The following CMC2 variants were observed in gnomAD, a reference collection of about 807,000 sequenced individuals.
CMC2 encodes the protein C-X9-C motif containing 2, also known as COX assembly mitochondrial protein 2 homolog.
In CMC2, 5 loss-of-function variants were observed where a neutral mutation model predicts 7.5. The ratio of observed to expected loss-of-function variants is 0.66; its 90% CI spans 0.35 to 1.40. The LOEUF (loss-of-function observed/expected upper bound fraction) is 1.40, where lower values mean the gene tolerates loss of function less well. Ranked by LOEUF, CMC2 falls within the 40% of genes most tolerant of loss-of-function variation. The probability of loss-of-function intolerance (pLI) is 0.04; values close to 1 mark genes in which losing one functional copy is unlikely to be tolerated. For missense variants in CMC2, 115 were observed against 92.3 expected, an observed-to-expected ratio of 1.25 and a Z score of -1.01; for synonymous variants, 37 against 31.4, an observed-to-expected ratio of 1.18 and a Z score of -0.60.
chr16:81,006,568 TC>T, intron 1 of CMC2, 165 bp downstream of exon 1: 2 of 361,970 alleles, frequency 5.5e-6, no homozygotes, highest in Non-Finnish European at 7.7e-6. Flanking sequence ...GCTCGCAGCC[TC>T]CCCAGCGCAG....
intron 1 of CMC2, among the ~76,000 whole-genome samples, chr16:81,000,662 A>T (rs1207284564): frequency 6.6e-6 from 1 of 152,244 alleles, no homozygotes; most frequent in Non-Finnish European, 1.5e-5. Context: ...ACCTCACATC[A>T]GTGAGAATGG....
In CMC2 at chr16:80,970,723, C is replaced by T. The variant is rs556251365; in HGVS notation, c.*5370G>A. 9 of 152,244 alleles carry T rather than the reference C, an allele frequency of 5.9e-5. No homozygotes were observed. The highest frequency in any genetic ancestry group is 4.1e-4 in the South Asian group (2 of 4,828). The allele number at this position is 152,244 out of a possible 1,614,324, so 9.4% of individuals were successfully genotyped here. A position where few individuals can be genotyped will look rare whatever the true frequency, so the allele number is the denominator to read the frequency against. ...GAATTATTAAGAAAGTTTGGCAAGC[C>T]TTCTGAATGTAAGATAAATATACAG... On this transcript the variant is annotated 3_prime_UTR_variant, in exon 4 of 4. Transcript: ENST00000219400.
At chr16:80,995,334 A>G (rs1968323828) in intron 2 of CMC2, among the ~76,000 whole-genome samples, 2 of 152,164 alleles carry the variant, frequency 1.3e-5, no homozygotes, top group Admixed American at 6.5e-5. Flanking sequence ...ATGACCCTCA[A>G]AAACATATCA....
At chr16:80,980,838 G>C (rs570487647) in intron 3 of CMC2, 7 of 700,166 alleles carry the variant, frequency 1.0e-5, no homozygotes, top group Non-Finnish European at 1.0e-5. Flanking sequence ...CGTGAGTTAC[G>C]ATCACCCTAC....
In CMC2 at chr16:80,967,035, T is replaced by C. The variant is rs150531908; in HGVS notation, c.*9058A>G. The C allele has an allele frequency of 1.2e-4, 19 of 152,356 alleles. No individual in the cohort carries two copies. Among genetic ancestry groups the C allele is most frequent in the Non-Finnish European group, 2.5e-4 (17 of 68,032 alleles). 9.4% of individuals were successfully genotyped at this position (152,356 alleles called of 1,614,324 possible). Reference sequence around the variant, plus strand: ...TTGGGCTACTTCAACACTTTATTTATTCTTTATTCACTAAAAATTCATTCA... The same window carrying C: ...TTGGGCTACTTCAACACTTTATTTACTCTTTATTCACTAAAAATTCATTCA... On this transcript the variant is annotated 3_prime_UTR_variant, in exon 4 of 4. Coordinates refer to ENST00000219400, the MANE Select transcript of CMC2 (RefSeq NM_020188.5).
At chr16:80,989,776 G>C (rs563977246) in intron 2 of CMC2, among the ~76,000 whole-genome samples, 34 of 152,190 alleles carry the variant, frequency 2.2e-4, no homozygotes, top group African/African-American at 7.2e-4. Context: ...AACATCACAG[G>C]ATACATCCTA....
At chr16:80,978,238 C>A (rs919516868) in intron 3 of CMC2, 1 of 1,046,440 alleles carries the variant, frequency 9.6e-7, no homozygotes, top group Admixed American at 5.2e-5. Flanking sequence ...GCTTTCATAT[C>A]TACCTTTAAT....
rs539537288 is a variant in CMC2 at position 80,991,396 on chromosome 16, A to G, written c.81+5918T>C. 3.9e-5 allele frequency among the ~76,000 whole-genome samples: 6 copies of G among 152,316 alleles called. No individual in the cohort carries two copies. The East Asian group carries it at 1.2e-3, about 29-fold the overall frequency. On this transcript the variant is annotated intron_variant, in intron 2 of 3. Coordinates refer to ENST00000219400, the MANE Select transcript of CMC2 (RefSeq NM_020188.5). ...ACATCTGTAATACCAGCACTTTGGTAGGCTAAGGCAGACAGATTGCTTGAG... is the reference window on the plus strand; with the variant it reads ...ACATCTGTAATACCAGCACTTTGGTGGGCTAAGGCAGACAGATTGCTTGAG...
chr16:80,974,300 G>C lies in CMC2; in HGVS notation c.*1793C>G, dbSNP rs983996983. 1 of 152,040 alleles carries C rather than the reference G, an allele frequency of 6.6e-6. No homozygotes were observed. Among genetic ancestry groups the C allele is most frequent in the Non-Finnish European group, 1.5e-5 (1 of 68,004 alleles). The allele number at this position is 152,040 out of a possible 1,614,324, so 9.4% of individuals were successfully genotyped here. On this transcript the variant is annotated 3_prime_UTR_variant, in exon 4 of 4. Transcript: ENST00000219400. ...GCACAAAAACCTAATTGCTCTCCTTGGGCGTTATCTTCCTTCCCCTCCAAT... is the reference window on the plus strand; with the variant it reads ...GCACAAAAACCTAATTGCTCTCCTTCGGCGTTATCTTCCTTCCCCTCCAAT...
Position 81,006,852 on chromosome 16 carries a change from G to T in CMC2, c.-154C>A. On this transcript the variant is annotated 5_prime_UTR_variant, in exon 1 of 4. Transcript: ENST00000219400. Reference sequence around the variant, plus strand: ...CGCTTGCCAGACGCCGAAACCCAGTGACGCCCTCCACCGCTCCACCGTGCT... The same window carrying T: ...CGCTTGCCAGACGCCGAAACCCAGTTACGCCCTCCACCGCTCCACCGTGCT... The T allele has an allele frequency of 2.0e-6, 2 of 985,822 alleles. No individual in the cohort carries two copies. The highest frequency in any genetic ancestry group is 2.4e-6 in the Non-Finnish European group (2 of 830,258). The allele number at this position is 985,822 out of a possible 1,614,324, so 61.1% of individuals were successfully genotyped here.
intron 1 of CMC2, among the ~76,000 whole-genome samples, chr16:81,005,808 CAT>C (rs886338931): frequency 6.6e-6 from 1 of 152,212 alleles, no homozygotes; most frequent in African/African-American, 2.4e-5. Flanking sequence ...CTGCCAGAAT[CAT>C]GTGAATTTCA....
intron 2 of CMC2, among the ~76,000 whole-genome samples, chr16:80,986,532 T>A (rs1426008277): frequency 6.6e-6 from 1 of 152,030 alleles, no homozygotes; most frequent in Non-Finnish European, 1.5e-5. Context: ...AAAATTGATT[T>A]AAACAAAAAA....
At chr16:80,988,038 G>A (rs1967675593) in intron 2 of CMC2, among the ~76,000 whole-genome samples, 1 of 151,808 alleles carries the variant, frequency 6.6e-6, no homozygotes, top group African/African-American at 2.4e-5. Flanking sequence ...AATTGAATTA[G>A]CCAGGCATGA....
intron 2 of CMC2, among the ~76,000 whole-genome samples, chr16:80,984,677 A>T (rs1967386269): frequency 6.6e-6 from 1 of 152,216 alleles, no homozygotes; most frequent in South Asian, 2.1e-4. Flanking sequence ...AAACATGACA[A>T]TGCATTTTCA....
At chr16:81,004,506 A>C (rs1969098910) in intron 1 of CMC2, among the ~76,000 whole-genome samples, 1 of 152,082 alleles carries the variant, frequency 6.6e-6, no homozygotes, top group South Asian at 2.1e-4. Context: ...CAAAAAGGTA[A>C]ACTTGTCACG....
At chr16:81,005,651 C>A (rs1969245987) in intron 1 of CMC2, among the ~76,000 whole-genome samples, 1 of 152,068 alleles carries the variant, frequency 6.6e-6, no homozygotes, top group Non-Finnish European at 1.5e-5. Flanking sequence ...AGACCCCATG[C>A]CAGGCTGCTT....
chr16:80,967,621 G>C lies in CMC2; in HGVS notation c.*8472C>G, dbSNP rs771005927. The C allele has an allele frequency of 1.3e-5, 2 of 152,320 alleles. No individual in the cohort carries two copies. Among genetic ancestry groups the C allele is most frequent in the Admixed American group, 6.5e-5 (1 of 15,284 alleles). 9.4% of individuals were successfully genotyped at this position (152,320 alleles called of 1,614,324 possible). ...CCCAAAGTGCTGGGTTTACAGGCGT[G>C]AGCCACCTCGCCCAGCCTTCCTCGT... On this transcript the variant is annotated 3_prime_UTR_variant, in exon 4 of 4. Coordinates refer to ENST00000219400, the MANE Select transcript of CMC2 (RefSeq NM_020188.5).
chr16:80,974,406 A>T lies in CMC2; in HGVS notation c.*1687T>A, dbSNP rs1396304878. The T allele has an allele frequency of 6.6e-6, 1 of 152,194 alleles. No homozygotes were observed. Among genetic ancestry groups the T allele is most frequent in the African/African-American group, 2.4e-5 (1 of 41,452 alleles). 9.4% of individuals were successfully genotyped at this position (152,194 alleles called of 1,614,324 possible). On this transcript the variant is annotated 3_prime_UTR_variant, in exon 4 of 4. Coordinates refer to ENST00000219400, the MANE Select transcript of CMC2 (RefSeq NM_020188.5). The stretch of plus-strand genomic sequence containing the variant: ...AGCCTTCCAACTAACTCCTCTACCC[A>T]AATCCCTAATCACCATATTAAAACC...
At position 80,997,382 on chromosome 16, in the gene CMC2, A is replaced by T. The variant is rs1397186673; in HGVS notation, c.13T>A (p.Leu5Ile). The T allele has an allele frequency of 6.2e-7, 1 of 1,612,654 alleles. No individual in the cohort carries two copies. The highest frequency in any genetic ancestry group is 2.2e-5 in the East Asian group (1 of 44,860). The change falls in exon 2 of 4, where the codon TTA (leucine) becomes ATA (isoleucine). Residue 5 changes from leucine to isoleucine, a missense_variant. By Grantham distance (5) the Leu-to-Ile change is conservative. Coordinates refer to ENST00000219400, the MANE Select transcript of CMC2 (RefSeq NM_020188.5). The stretch of plus-strand genomic sequence containing the variant: ...TCTTCAGTGTGCAAGTGTGGAGATA[A>T]GTCAGGATGCATCTTTAGGAGATGA... The part of the protein sequence containing the change: MHPD[L>I]SPHLHTEECN...
Sources: gnomAD v4.1 joint callset for allele counts (sites outside exome capture counted in the v4.1 genomes callset) on GRCh38, gnomAD v4.1.1 for gene constraint, MANE v1.5 for transcripts, NCBI Gene and HGNC (gene_info 2026-07-23, HGNC 2026-07-21) for gene names.